The following CTNNA3 variants were observed in gnomAD, a reference collection of about 807,000 sequenced individuals.
The protein encoded by CTNNA3 is catenin alpha-3.
CTNNA3 carries 76 observed loss-of-function variants against 95.7 expected under a neutral mutation model. The observed-to-expected ratio is 0.79, with a 90% CI of 0.66 to 0.96. The LOEUF (loss-of-function observed/expected upper bound fraction) is 0.96, where lower values mean the gene tolerates loss of function less well. CTNNA3 is among the 40% of genes least tolerant of loss of function. The pLI is 0.00. For missense variants in CTNNA3, 1,191 were observed against 1,089.8 expected (o/e 1.09, Z -1.31); for synonymous variants, 431 against 374.4 (o/e 1.15, Z -1.74).
intron 9 of CTNNA3, among the ~76,000 whole-genome samples, chr10:66,736,311 G>A (rs7069165): frequency 0.5 from 76,160 of 151,154 alleles, 19,437 homozygotes; most frequent in African/African-American, 0.58. Context: ...TCAGCCTCCC[G>A]AGTAGCTGGG....
chr10:66,928,211 T>C, intron 7 of CTNNA3: 2 of 1,614,142 alleles, frequency 1.2e-6, no homozygotes, highest in Non-Finnish European at 1.7e-6. Flanking sequence ...CTGTCCGTGC[T>C]CGTCATCCTG....
At chr10:66,735,448 G>GA (rs1482712706) in intron 9 of CTNNA3, among the ~76,000 whole-genome samples, 5 of 151,836 alleles carry the variant, frequency 3.3e-5, no homozygotes, top group Non-Finnish European at 7.4e-5. Context: ...TATTTTCTCA[G>GA]AAAAATGGCT....
At chr10:66,736,305 C>T (rs1199793642) in intron 9 of CTNNA3, among the ~76,000 whole-genome samples, 1 of 151,950 alleles carries the variant, frequency 6.6e-6, no homozygotes, top group Non-Finnish European at 1.5e-5. Flanking sequence ...CCTGCCTCAG[C>T]CTCCCGAGTA....
intron 7 of CTNNA3, among the ~76,000 whole-genome samples, chr10:66,820,396 T>C (rs1484750834): frequency 2.0e-5 from 3 of 152,006 alleles, no homozygotes; most frequent in African/African-American, 7.2e-5. Flanking sequence ...ATACTAGTAT[T>C]AGATAATGAT....
chr10:66,064,855 T>C (rs1027951099), intron 15 of CTNNA3, among the ~76,000 whole-genome samples: 1 of 152,200 alleles, frequency 6.6e-6, no homozygotes, highest in Non-Finnish European at 1.5e-5. Flanking sequence ...TGTTTATTCC[T>C]GGTTCCTTCT....
chr10:66,695,916 A>AGG (rs34200783), intron 9 of CTNNA3, among the ~76,000 whole-genome samples: 28,789 of 118,364 alleles, frequency 0.24, 3,684 homozygotes, highest in East Asian at 0.51. Context: ...AAGAGACGTA[A>AGG]GGGGGGGGGG....
chr10:67,509,970 G>A (rs964064008), intron 5 of CTNNA3, among the ~76,000 whole-genome samples: 2 of 152,158 alleles, frequency 1.3e-5, no homozygotes, highest in South Asian at 4.1e-4. Context: ...TCATGTGTCT[G>A]TTGGCTGCAT....
intron 1 of CTNNA3, among the ~76,000 whole-genome samples, chr10:67,701,994 G>A (rs1324787474): frequency 7.2e-5 from 11 of 152,244 alleles, no homozygotes; most frequent in Middle Eastern, 3.4e-3. Flanking sequence ...TAATAAAACA[G>A]ACTTTAAACC....
chr10:67,131,642 G>A (rs1196437528), intron 7 of CTNNA3, among the ~76,000 whole-genome samples: 1 of 151,914 alleles, frequency 6.6e-6, no homozygotes, highest in Non-Finnish European at 1.5e-5. Context: ...CATTTTTTGT[G>A]TGTTATCAGC....
chr10:66,078,781 A>G (rs1260289854), intron 14 of CTNNA3, among the ~76,000 whole-genome samples: 1 of 151,864 alleles, frequency 6.6e-6, no homozygotes, highest in Non-Finnish European at 1.5e-5. Flanking sequence ...TGCTGCCAAA[A>G]CTGACAATAT....
chr10:67,305,378 TAAAAA>T (rs562331483), intron 5 of CTNNA3, among the ~76,000 whole-genome samples: 2 of 105,494 alleles, frequency 1.9e-5, no homozygotes, highest in Non-Finnish European at 4.0e-5. Flanking sequence ...AAAAAAAAAT[TAAAAA>T]AAAAAAAAAG....
intron 14 of CTNNA3, among the ~76,000 whole-genome samples, chr10:66,100,120 G>C (rs2081558876): frequency 6.6e-6 from 1 of 152,140 alleles, no homozygotes; most frequent in African/African-American, 2.4e-5. Flanking sequence ...AAACGGAACT[G>C]GGAGCCTGGG....
Position 66,927,011 on chromosome 10 carries a change from G to C in CTNNA3, c.1048-151487C>G, listed in dbSNP as rs267602548. The C allele has an allele frequency of 1.2e-6, 2 of 1,614,108 alleles. No homozygotes were observed. The highest frequency in any genetic ancestry group is 1.7e-5 in the Admixed American group (1 of 60,016). ...CTGACAATGCTTTCTTCTGCCGAACGAGGATGCCCTAAGGGCTGTAGGTGT... is the reference window on the plus strand; with the variant it reads ...CTGACAATGCTTTCTTCTGCCGAACCAGGATGCCCTAAGGGCTGTAGGTGT... On this transcript the variant is annotated intron_variant, in intron 7 of 17. Transcript: ENST00000433211. This position sits in a 1 kb window ranked among gnomAD's most constrained non-coding sequence, Gnocchi z 4.7.
At chr10:65,929,760 G>A (rs902926661) in intron 17 of CTNNA3, among the ~76,000 whole-genome samples, 1 of 151,778 alleles carries the variant, frequency 6.6e-6, no homozygotes, top group Non-Finnish European at 1.5e-5. Flanking sequence ...GTACAGACAG[G>A]GTTTCACCAT....
intron 3 of CTNNA3, among the ~76,000 whole-genome samples, chr10:67,577,499 T>G (rs1842203979): frequency 6.6e-6 from 1 of 152,178 alleles, no homozygotes; most frequent in South Asian, 2.1e-4. Flanking sequence ...TGATGGTAGT[T>G]TCTTTTGCTG....
chr10:66,135,091 T>C (rs2083286711), intron 13 of CTNNA3, among the ~76,000 whole-genome samples: 1 of 152,162 alleles, frequency 6.6e-6, no homozygotes, highest in Non-Finnish European at 1.5e-5. Flanking sequence ...TAAGAAAATA[T>C]TCTTGATCTT....
At chr10:67,703,584 G>C (rs80201683) in intron 1 of CTNNA3, among the ~76,000 whole-genome samples, 18,493 of 152,154 alleles carry the variant, frequency 0.12, 1,645 homozygotes, top group African/African-American at 0.26. Context: ...AGCCCTTCAT[G>C]CTAAAAACTC....
intron 5 of CTNNA3, among the ~76,000 whole-genome samples, chr10:67,487,039 G>A (rs1848475314): frequency 6.6e-6 from 1 of 152,234 alleles, no homozygotes; most frequent in East Asian, 1.9e-4. Flanking sequence ...CCCCAGCCAT[G>A]ATGAGGCCCC....
chr10:67,316,248 G>A (rs1407270998), intron 5 of CTNNA3, among the ~76,000 whole-genome samples: 2 of 152,042 alleles, frequency 1.3e-5, no homozygotes, highest in African/African-American at 2.4e-5. Context: ...GCTCAATATA[G>A]ACACACTGAG....
Sources: allele counts gnomAD v4.1 joint callset (sites outside exome capture counted in the v4.1 genomes callset), GRCh38; gene constraint gnomAD v4.1.1; non-coding constraint Gnocchi (gnomAD v3.1); transcripts MANE v1.5; gene names NCBI Gene and HGNC (gene_info 2026-07-23, HGNC 2026-07-21).